Variants in ABCC12 observed in about 807,000 individuals in gnomAD.
ABCC12 encodes ATP binding cassette subfamily C member 12.
ABCC12 carries 142 observed loss-of-function variants against 151.1 expected under a neutral mutation model. The ratio of observed to expected loss-of-function variants is 0.94; its 90% CI spans 0.82 to 1.08. The LOEUF is 1.08. ABCC12 is among the 50% of genes least tolerant of loss of function. The pLI is 0.00. For missense variants in ABCC12, 1,638 were observed against 1,691.1 expected, an observed-to-expected ratio of 0.97 and a Z score of 0.55; for synonymous variants, 645 against 646.4, an observed-to-expected ratio of 1.00 and a Z score of 0.03.
intron 15 of ABCC12, among the ~76,000 whole-genome samples, chr16:48,114,517 A>C (rs1963808281): frequency 6.6e-6 from 1 of 152,200 alleles, no homozygotes; most frequent in South Asian, 2.1e-4. Flanking sequence ...AGAGTAAAGA[A>C]GACGGGACAC....
chr16:48,140,451 C>T (rs1964764880), intron 6 of ABCC12, among the ~76,000 whole-genome samples: 1 of 152,132 alleles, frequency 6.6e-6, no homozygotes, highest in South Asian at 2.1e-4. Context: ...GAGCCCTGTT[C>T]CCGCTGGAAC....
chr16:48,107,115 G>A (rs1044759725), intron 20 of ABCC12, among the ~76,000 whole-genome samples: 1 of 152,188 alleles, frequency 6.6e-6, no homozygotes, highest in Non-Finnish European at 1.5e-5. Context: ...TGAAAGTGGT[G>A]TCTATACCCT....
chr16:48,101,709 A>T (rs1231896448), intron 22 of ABCC12, among the ~76,000 whole-genome samples: 1 of 152,058 alleles, frequency 6.6e-6, no homozygotes, highest in African/African-American at 2.4e-5. Context: ...TAATTCAAGC[A>T]GGACGAGCTC....
intron 20 of ABCC12, 105 bp from the exon 21 acceptor site, chr16:48,105,441 C>T: frequency 8.5e-7 from 1 of 1,182,342 alleles, no homozygotes; most frequent in Non-Finnish European, 1.2e-6. Context: ...AGAAGAAGCA[C>T]ATGAGTGTTT....
intron 3 of ABCC12, 97 bp from the exon 4 acceptor site, chr16:48,144,162 T>G: frequency 7.1e-7 from 1 of 1,417,078 alleles, no homozygotes; most frequent in Non-Finnish European, 9.5e-7. Context: ...CAACCACAGC[T>G]GCACTCAGAA....
intron 25 of ABCC12, among the ~76,000 whole-genome samples, chr16:48,089,392 AT>A (rs1962782263): frequency 6.6e-6 from 1 of 152,202 alleles, no homozygotes; most frequent in East Asian, 1.9e-4. Context: ...AAGAAGAAAG[AT>A]GATAAGAATG....
At chr16:48,142,909 A>G (rs1333502461) in intron 4 of ABCC12, among the ~76,000 whole-genome samples, 1 of 152,232 alleles carries the variant, frequency 6.6e-6, no homozygotes, top group Non-Finnish European at 1.5e-5. Flanking sequence ...TAATCAGAGT[A>G]GGAAAATTCT....
At position 48,139,314 on chromosome 16, in the gene ABCC12, T is replaced by C; in HGVS notation, c.680A>G (p.Asp227Gly). 6.2e-7 allele frequency: 1 copy of C among 1,612,596 alleles called. No homozygotes were observed. The highest frequency in any genetic ancestry group is 8.5e-7 in the Non-Finnish European group (1 of 1,179,614). ...GGCAGCTTCAAACAAAGAATAGCTATCACTTGACAGTATATTGAGCACCTG... is the reference window on the plus strand; with the variant it reads ...GGCAGCTTCAAACAAAGAATAGCTACCACTTGACAGTATATTGAGCACCTG... ...VGEVLNILSS[D>G]SYSLFEAALF... is the part of the protein sequence containing the mutation. Residue 227 changes from aspartate to glycine, a missense_variant, in exon 7 of 31, where the codon GAT becomes GGT. Physicochemically the swap from Asp to Gly is moderately conservative, Grantham distance 94 (BLOSUM62 -1). Transcript: ENST00000311303.
intron 18 of ABCC12, among the ~76,000 whole-genome samples, chr16:48,110,090 T>C (rs907885192): frequency 2.0e-5 from 3 of 152,176 alleles, no homozygotes; most frequent in Non-Finnish European, 4.4e-5. Context: ...TGAAGGTTTC[T>C]CCAAAAAGCA....
chr16:48,119,712 A>G (rs1316021447), intron 13 of ABCC12, among the ~76,000 whole-genome samples: 2 of 152,184 alleles, frequency 1.3e-5, no homozygotes, highest in Non-Finnish European at 2.9e-5. Context: ...AGGCCAAACT[A>G]CCACTGGAGA....
rs376598734 is a variant in ABCC12, at chr16:48,133,680, C to T, written c.1128+7G>A. The T allele has an allele frequency of 3.7e-6, 6 of 1,613,396 alleles. No homozygotes were observed. In the African/African-American group the frequency reaches 8.0e-5, roughly 22 times the overall value. ...TGAAAGAGCCTCGATCTGGAGCCAGCTCTTACCACGGGTGCGGTGAGTTTG... is the reference window on the plus strand; with the variant it reads ...TGAAAGAGCCTCGATCTGGAGCCAGTTCTTACCACGGGTGCGGTGAGTTTG... On this transcript the variant is annotated splice_region_variant and intron_variant, in intron 9 of 30. Coordinates refer to ENST00000311303, the MANE Select transcript of ABCC12 (RefSeq NM_001393797.1).
In ABCC12 at chr16:48,088,056, G is replaced by A. The variant is rs536341680; in HGVS notation, c.3505C>T (p.Arg1169Cys). ...GTGCCACTGGCTGGCTCCACCAGAC[G>A]AAACAAAGCCATTCCTAACGATGAC... Reference protein sequence around the residue: ...GKSSLGMALFRLVEPASGTIF... With the variant: ...GKSSLGMALFCLVEPASGTIF... The change falls in exon 27 of 31, where the codon CGT (arginine) becomes TGT (cysteine). Residue 1169 changes from arginine (R) to cysteine (C), a missense_variant. Arg to Cys is a radical substitution (Grantham distance 180). Transcript: ENST00000311303. 36 of 1,613,926 alleles carry A rather than the reference G, an allele frequency of 2.2e-5. No individual in the cohort carries two copies. Among genetic ancestry groups the A allele is most frequent in the South Asian group, 3.3e-5 (3 of 91,064 alleles).
chr16:48,084,948 G>A lies in ABCC12; in HGVS notation c.3828+645C>T, dbSNP rs13333856. ...AACTTCCCCGAGGCTCTGTTCCCTCGTAGGTGAAAGGGGGCTATGCCTTAT... is the reference window on the plus strand; with the variant it reads ...AACTTCCCCGAGGCTCTGTTCCCTCATAGGTGAAAGGGGGCTATGCCTTAT... On this transcript the variant is annotated intron_variant, in intron 29 of 30. Transcript: ENST00000311303. Among the ~76,000 whole-genome samples, 1,091 of 152,088 alleles carry A rather than the reference G, an allele frequency of 7.2e-3. 8 individuals carry two copies. Among genetic ancestry groups the A allele is most frequent in the African/African-American group, 0.024 (985 of 41,474 alleles).
rs547246303 is a variant in ABCC12 at position 48,143,367 on chromosome 16, C to T, written c.275+543G>A. Among the ~76,000 whole-genome samples, 5 of 152,304 alleles carry T rather than the reference C, an allele frequency of 3.3e-5. No homozygotes were observed. The South Asian group carries it at 1.0e-3, about 32-fold the overall frequency. Reference sequence around the variant, plus strand: ...AATTCCCACCTCCCCACAGCTTGGGCCAAGAAGTTCATGCAGTCCAGCCCA... The same window carrying T: ...AATTCCCACCTCCCCACAGCTTGGGTCAAGAAGTTCATGCAGTCCAGCCCA... On this transcript the variant is annotated intron_variant, in intron 4 of 30. Coordinates refer to ENST00000311303, the MANE Select transcript of ABCC12 (RefSeq NM_001393797.1).
chr16:48,144,803 C>G (rs1207477515), intron 3 of ABCC12, among the ~76,000 whole-genome samples: 4 of 152,134 alleles, frequency 2.6e-5, no homozygotes, highest in African/African-American at 9.7e-5. Flanking sequence ...TAAGGTACTA[C>G]GAGCTCAGCA....
At chr16:48,117,885 T>C (rs1303789815) in intron 13 of ABCC12, among the ~76,000 whole-genome samples, 1 of 152,142 alleles carries the variant, frequency 6.6e-6, no homozygotes. Flanking sequence ...AATGGAGTTT[T>C]CTCCCCTGCA....
chr16:48,083,590 C>A lies in ABCC12; in HGVS notation c.*125G>T. On this transcript the variant is annotated 3_prime_UTR_variant, in exon 31 of 31. Transcript: ENST00000311303. Reference sequence around the variant, plus strand: ...AGTGGGGACAACTTCAGCCCCAGCTCACTCCGTGGATGGGAGGGGCTGAAG... The same window carrying A: ...AGTGGGGACAACTTCAGCCCCAGCTAACTCCGTGGATGGGAGGGGCTGAAG... 1.0e-6 allele frequency: 1 copy of A among 956,644 alleles called. No individual in the cohort carries two copies. The highest frequency in any genetic ancestry group is 1.6e-6 in the Non-Finnish European group (1 of 629,200). 59.3% of individuals were successfully genotyped at this position (956,644 alleles called of 1,614,324 possible).
chr16:48,153,184 C>G (rs549596754), intron 2 of ABCC12, among the ~76,000 whole-genome samples: 1 of 152,146 alleles, frequency 6.6e-6, no homozygotes, highest in Non-Finnish European at 1.5e-5. Context: ...ACTATAGATT[C>G]TGCAATAATA....
In ABCC12 at chr16:48,146,417, C is replaced by T. The variant is rs368494460; in HGVS notation, c.8G>A (p.Gly3Asp). 6.4e-5 allele frequency: 104 copies of T among 1,613,994 alleles called. No homozygotes were observed. Among genetic ancestry groups the T allele is most frequent in the Non-Finnish European group, 8.6e-5 (102 of 1,179,974 alleles). MV[G>D]EGPYLISDLD... Reference sequence around the variant, plus strand: ...ATCTGAGATAAGGTAGGGTCCTTCACCCACCATCCTGATGGCAGCCTGGAG... The same window carrying T: ...ATCTGAGATAAGGTAGGGTCCTTCATCCACCATCCTGATGGCAGCCTGGAG... Residue 3 changes from glycine to aspartate, a missense_variant, in exon 3 of 31, where the codon GGT becomes GAT. By Grantham distance (94) the Gly-to-Asp change is moderately conservative. Coordinates refer to ENST00000311303, the MANE Select transcript of ABCC12 (RefSeq NM_001393797.1).
Sources: gnomAD v4.1 joint callset for allele counts (sites outside exome capture counted in the v4.1 genomes callset) on GRCh38, gnomAD v4.1.1 for gene constraint, MANE v1.5 for transcripts, NCBI Gene and HGNC (gene_info 2026-07-23, HGNC 2026-07-21) for gene names.